The following NLN variants were observed in gnomAD, a reference collection of about 807,000 sequenced individuals.
NLN encodes neurolysin.
A neutral mutation model predicts 79.9 loss-of-function variants in NLN; 64 were observed. The observed-to-expected ratio is 0.80, with a 90% CI of 0.65 to 0.99. NLN has a LOEUF of 0.99. Among genes scored for constraint, NLN ranks in the 50% least tolerant of loss-of-function variants. NLN has a pLI of 0.00. For missense variants in NLN, 835 were observed against 858.7 expected, an observed-to-expected ratio of 0.97 and a Z score of 0.34; for synonymous variants, 267 against 296.6, an observed-to-expected ratio of 0.90 and a Z score of 1.02.
intron 5 of NLN, 31 bp downstream of exon 5, chr5:65,780,312 A>G (rs1232002075): frequency 4.4e-6 from 4 of 899,210 alleles, no homozygotes; most frequent in Admixed American, 2.5e-5. Flanking sequence ...AGATTAAATC[A>G]TATAATTTAG....
intron 1 of NLN, among the ~76,000 whole-genome samples, chr5:65,753,052 C>T (rs2548774): frequency 0.26 from 39,047 of 151,948 alleles, 5,088 homozygotes; most frequent in Middle Eastern, 0.29. Context: ...TGTGTCCGGC[C>T]GAGGTGGAGG....
At chr5:65,755,807 G>A (rs904680419) in intron 1 of NLN, among the ~76,000 whole-genome samples, 1 of 152,084 alleles carries the variant, frequency 6.6e-6, no homozygotes, top group African/African-American at 2.4e-5. Context: ...AAGTTGAAGA[G>A]GTCAGTATTT....
Position 65,823,225 on chromosome 5 carries a change from G to T in NLN, c.*310G>T. 1 of 209,806 alleles carries T rather than the reference G, an allele frequency of 4.8e-6. No homozygotes were observed. 13.0% of individuals were successfully genotyped at this position (209,806 alleles called of 1,614,324 possible). A position where few individuals can be genotyped will look rare whatever the true frequency, so the allele number is the denominator to read the frequency against. On this transcript the variant is annotated 3_prime_UTR_variant, in exon 13 of 13. Transcript: ENST00000380985. ...TAATCTAGATAATATGATATAAGAG[G>T]GCTAAGAATTTTTAAATTGAATCAT...
intron 1 of NLN, among the ~76,000 whole-genome samples, chr5:65,739,044 A>ATATATAATATATATATATAATATAT (rs1399632203): frequency 7.1e-6 from 1 of 140,008 alleles, no homozygotes; most frequent in African/African-American, 2.7e-5. Flanking sequence ...TATATATAAA[A>ATATATAATATATATATATAATATAT]AATATATATA....
chr5:65,760,886 A>G (rs1759322562), intron 2 of NLN, among the ~76,000 whole-genome samples: 1 of 152,238 alleles, frequency 6.6e-6, no homozygotes, highest in Non-Finnish European at 1.5e-5. Flanking sequence ...AGATCTTTTC[A>G]GCATACTTTC....
rs1487655693 is a variant in NLN at position 65,795,766 on chromosome 5, T to A, written c.1527+3111T>A. ...TTATCGTGTGGACCTTCTATCAATG[T>A]CCACACTGTGGTTGACATTTCCTTT... On this transcript the variant is annotated intron_variant, in intron 9 of 12. Coordinates refer to ENST00000380985, the MANE Select transcript of NLN (RefSeq NM_020726.5). Among the ~76,000 whole-genome samples, 6 of 152,330 alleles carry A rather than the reference T, an allele frequency of 3.9e-5. No homozygotes were observed. In the East Asian group the frequency reaches 9.6e-4, roughly 24 times the overall value.
At chr5:65,769,128 C>T (rs1759514010) in intron 3 of NLN, among the ~76,000 whole-genome samples, 1 of 152,330 alleles carries the variant, frequency 6.6e-6, no homozygotes. Context: ...TGTGCTGTCA[C>T]GGAAGTCACA....
chr5:65,783,795 T>C (rs1228866333), intron 6 of NLN, among the ~76,000 whole-genome samples: 2 of 152,056 alleles, frequency 1.3e-5, no homozygotes, highest in African/African-American at 4.8e-5. Context: ...AGAGAAGATC[T>C]GGAGAAACTG....
chr5:65,723,384 A>G (rs1758366620), intron 1 of NLN, among the ~76,000 whole-genome samples: 1 of 152,170 alleles, frequency 6.6e-6, no homozygotes, highest in Non-Finnish European at 1.5e-5. Flanking sequence ...TAATGTGGTG[A>G]TTGGTGACCA....
chr5:65,741,884 T>C (rs1006067284), intron 1 of NLN, among the ~76,000 whole-genome samples: 1 of 152,212 alleles, frequency 6.6e-6, no homozygotes, highest in Admixed American at 6.5e-5. Context: ...TTAGAACCTA[T>C]AATCATTAAG....
At chr5:65,776,521 G>T (rs896225077) in intron 3 of NLN, among the ~76,000 whole-genome samples, 12 of 152,132 alleles carry the variant, frequency 7.9e-5, no homozygotes, top group African/African-American at 2.9e-4. Context: ...CCAATAGAAG[G>T]CCTATAAGGC....
chr5:65,779,559 GATTACTGA>G (rs1759753800), intron 4 of NLN, among the ~76,000 whole-genome samples: 1 of 152,114 alleles, frequency 6.6e-6, no homozygotes, highest in Non-Finnish European at 1.5e-5. Flanking sequence ...ACCAGATGCT[GATTACTGA>G]ATTAAAATTT....
rs1554033902 is a variant in NLN, at chr5:65,800,663, CTTAT to C, written c.1527+8043_1527+8046del. Among the ~76,000 whole-genome samples the C allele has an allele frequency of 1.4e-3, 201 of 142,968 alleles. 2 individuals are homozygous for C. Among genetic ancestry groups the C allele is most frequent in the South Asian group, 3.9e-3 (17 of 4,312 alleles). 93.8% of individuals were successfully genotyped at this position (142,968 alleles called of 152,430 possible). A position where few individuals can be genotyped will look rare whatever the true frequency, so the allele number is the denominator to read the frequency against. Reference sequence around the variant, plus strand: ...TAGCTTGGATAGTGAAGAAAACTCTCTTATTTATTTATTTATTTATTTATTTATT... The same window carrying C: ...TAGCTTGGATAGTGAAGAAAACTCTCTTATTTATTTATTTATTTATTTATT... On this transcript the variant is annotated intron_variant, in intron 9 of 12. Transcript: ENST00000380985.
intron 4 of NLN, among the ~76,000 whole-genome samples, chr5:65,777,993 T>C (rs1402309742): frequency 3.9e-5 from 6 of 152,194 alleles, no homozygotes; most frequent in African/African-American, 1.2e-4. Context: ...ATTTCATGTG[T>C]GTTGAGCTTA....
In NLN at chr5:65,723,814, CAAAAA is replaced by C. The variant is rs760572199; in HGVS notation, c.41+1418_41+1422del. Reference sequence around the variant, plus strand: ...TGGGCGACAGAGCAAGACTCCGTCTCAAAAAAAAAAAAAAAAAAAAAAGAACAATT... The same window carrying C: ...TGGGCGACAGAGCAAGACTCCGTCTCAAAAAAAAAAAAAAAAAGAACAATT... On this transcript the variant is annotated intron_variant, in intron 1 of 12. Transcript: ENST00000380985. Among the ~76,000 whole-genome samples, 19 of 55,316 alleles carry C rather than the reference CAAAAA, an allele frequency of 3.4e-4. 1 individual carries two copies. Among genetic ancestry groups the C allele is most frequent in the African/African-American group, 1.3e-4 (2 of 15,688 alleles). The allele number at this position is 55,316 out of a possible 152,430, so 36.3% of individuals were successfully genotyped here.
Position 65,788,479 on chromosome 5 carries a change from T to C in NLN, c.1320T>C (p.Tyr440=). Reference sequence around the variant, plus strand: ...TGGGACAGTTCTATTTGGACCTCTATCCAAGGTACTGAGGATCACGTTGTT... The same window carrying C: ...TGGGACAGTTCTATTTGGACCTCTACCCAAGGTACTGAGGATCACGTTGTT... The part of the protein sequence containing the change: ...EVLGQFYLDL[Y]PREGKYNHAA... Residue 440 remains tyrosine, a synonymous_variant, in exon 8 of 13, where the codon TAT becomes TAC. Coordinates refer to ENST00000380985, the MANE Select transcript of NLN (RefSeq NM_020726.5). The C allele has an allele frequency of 1.1e-5, 17 of 1,612,552 alleles. No homozygotes were observed. Among genetic ancestry groups the C allele is most frequent in the Non-Finnish European group, 1.4e-5 (17 of 1,178,766 alleles).
intron 12 of NLN, chr5:65,818,582 T>A (rs1005727111): frequency 6.6e-6 from 1 of 152,296 alleles, no homozygotes; most frequent in African/African-American, 2.4e-5. Context: ...CCCTCCTTTG[T>A]TGTTGTCAAA....
chr5:65,770,350 G>T (rs1238301789), intron 3 of NLN, among the ~76,000 whole-genome samples: 3 of 152,118 alleles, frequency 2.0e-5, no homozygotes, highest in Non-Finnish European at 2.9e-5. Context: ...CATCCCAGTA[G>T]AAAAATGGGC....
chr5:65,765,617 G>A (rs1759435378), intron 3 of NLN, among the ~76,000 whole-genome samples: 1 of 152,080 alleles, frequency 6.6e-6, no homozygotes, highest in African/African-American at 2.4e-5. Context: ...GCTGAGGTGG[G>A]AGGATTGCTT....
Sources: gnomAD v4.1 joint callset for allele counts (sites outside exome capture counted in the v4.1 genomes callset) on GRCh38, gnomAD v4.1.1 for gene constraint, MANE v1.5 for transcripts, NCBI Gene and HGNC (gene_info 2026-07-23, HGNC 2026-07-21) for gene names.